MED13: variants seen among roughly 807,000 people sequenced by gnomAD.
MED13 encodes the protein mediator of RNA polymerase II transcription subunit 13.
MED13 carries 23 observed loss-of-function variants against 225.2 expected under a neutral mutation model. That is an observed-to-expected ratio of 0.10 (90% CI 0.07 to 0.14). MED13 has a LOEUF of 0.14. Among genes scored for constraint, MED13 ranks in the 10% least tolerant of loss-of-function variants. The pLI, the probability that MED13 is intolerant of heterozygous loss-of-function variation, is 1.00. For missense variants in MED13, 2,197 were observed against 2,594.5 expected, an observed-to-expected ratio of 0.85 and a Z score of 3.33; for synonymous variants, 942 against 889.2, an observed-to-expected ratio of 1.06 and a Z score of -1.06.
chr17:62,002,661 G>A (rs2080406844), intron 9 of MED13, among the ~76,000 whole-genome samples: 1 of 151,900 alleles, frequency 6.6e-6, no homozygotes, highest in South Asian at 2.1e-4. Context: ...ATTAACAGCA[G>A]GTAATAAATT....
At chr17:62,061,520 T>G (rs1196239894) in intron 2 of MED13, among the ~76,000 whole-genome samples, 1 of 152,250 alleles carries the variant, frequency 6.6e-6, no homozygotes, top group Non-Finnish European at 1.5e-5. Flanking sequence ...GTCACCATTA[T>G]AGTTTTATCA....
At position 61,950,973 on chromosome 17, in the gene MED13, GAT is replaced by G; in HGVS notation, c.6141_6142del (p.Ser2048AsnfsTer5). 6.2e-7 allele frequency: 1 copy of G among 1,613,502 alleles called. No homozygotes were observed. The highest frequency in any genetic ancestry group is 1.7e-5 in the Admixed American group (1 of 59,998). On this transcript the variant is annotated frameshift_variant, in exon 28 of 30. Coordinates refer to ENST00000397786, the MANE Select transcript of MED13 (RefSeq NM_005121.3). LOFTEE classifies it high-confidence loss of function. ...AGGTACTTCCTCATGAGGTTCTGTT[GAT>G]AGTAGCCGATCAGTACTCTGACCCT... is the stretch of plus-strand genomic sequence containing the variant.
At chr17:61,972,223 AT>A in intron 17 of MED13, among the ~76,000 whole-genome samples, 1 of 152,282 alleles carries the variant, frequency 6.6e-6, no homozygotes, top group East Asian at 1.9e-4. Context: ...TTGGAATGGC[AT>A]TTTCATCACA....
At chr17:62,008,808 A>T (rs1336604989) in intron 9 of MED13, among the ~76,000 whole-genome samples, 1 of 152,112 alleles carries the variant, frequency 6.6e-6, no homozygotes, top group African/African-American at 2.4e-5. Flanking sequence ...GAAATCCTAG[A>T]GAGCTGAAAA....
At chr17:62,008,317 CA>C (rs766909961) in intron 9 of MED13, among the ~76,000 whole-genome samples, 159 of 33,210 alleles carry the variant, frequency 4.8e-3, no homozygotes, top group Middle Eastern at 0.02. Context: ...GGCTCTGTCT[CA>C]AAAAAAAAAA....
rs895617677 is a variant in MED13 at position 61,962,809 on chromosome 17, G to A, written c.5007C>T (p.Cys1669=). The change falls in exon 21 of 30, where the codon TGC becomes TGT. Residue 1669 remains cysteine (C), a synonymous_variant. Transcript: ENST00000397786. ...SSVWTLGLLR[C]FLEMVQTLPP... ...GAAGAGTCTGGACCATTTCTAGAAAGCATCGAAGTAGCCCCAATGTCCACA... is the reference window on the plus strand; with the variant it reads ...GAAGAGTCTGGACCATTTCTAGAAAACATCGAAGTAGCCCCAATGTCCACA... 1.9e-6 allele frequency: 3 copies of A among 1,614,150 alleles called. No individual in the cohort carries two copies. Among genetic ancestry groups the A allele is most frequent in the Non-Finnish European group, 2.5e-6 (3 of 1,180,026 alleles).
chr17:61,972,562 T>TGAATGTTGGAAATGGTGG (rs2080119403), intron 17 of MED13, among the ~76,000 whole-genome samples, 165 bp downstream of exon 17: 1 of 152,032 alleles, frequency 6.6e-6, no homozygotes, highest in South Asian at 2.1e-4. Context: ...TTGAGTAAGC[T>TGAATGTTGGAAATGGTGG]GAATGTTGGA....
intron 8 of MED13, among the ~76,000 whole-genome samples, chr17:62,019,968 T>C (rs1178837379): frequency 6.6e-6 from 1 of 151,990 alleles, no homozygotes; most frequent in African/African-American, 2.4e-5. Context: ...ATGGTCTCGA[T>C]CTCCTGACCC....
At chr17:62,009,977 T>C (rs1173992016) in intron 9 of MED13, among the ~76,000 whole-genome samples, 1 of 152,014 alleles carries the variant, frequency 6.6e-6, no homozygotes, top group Non-Finnish European at 1.5e-5. Flanking sequence ...ATCCCAACAC[T>C]TCAGGAGGCC....
chr17:62,059,684 C>G (rs985301180), intron 2 of MED13, among the ~76,000 whole-genome samples: 1 of 152,102 alleles, frequency 6.6e-6, no homozygotes, highest in Admixed American at 6.6e-5. Flanking sequence ...AAGGGGTTAG[C>G]TAGAGAGACA....
At chr17:62,004,372 G>A (rs921336306) in intron 9 of MED13, 1 of 152,190 alleles carries the variant, frequency 6.6e-6, no homozygotes, top group South Asian at 2.1e-4. Context: ...GCAGCATACA[G>A]GATAGGCAGT....
intron 24 of MED13, 102 bp downstream of exon 24, chr17:61,956,236 TA>T: frequency 8.7e-7 from 1 of 1,147,488 alleles, no homozygotes; most frequent in East Asian, 2.6e-5. Context: ...CCTTATTTGA[TA>T]ACCTTTGCAT....
intron 3 of MED13, 82 bp from the exon 4 acceptor site, chr17:62,035,690 CAAAA>C: frequency 2.2e-6 from 3 of 1,375,614 alleles, no homozygotes; most frequent in Non-Finnish European, 1.9e-6. Context: ...AGGAAGTATG[CAAAA>C]ATGCATACCC....
At chr17:61,998,928 T>C (rs1260283362) in intron 9 of MED13, among the ~76,000 whole-genome samples, 5 of 37,588 alleles carry the variant, frequency 1.3e-4, no homozygotes, top group Admixed American at 2.3e-4. Flanking sequence ...AATGGTACTT[T>C]TTTTTTTTTT....
intron 27 of MED13, among the ~76,000 whole-genome samples, chr17:61,951,390 T>C (rs1303355645): frequency 6.6e-6 from 1 of 152,194 alleles, no homozygotes; most frequent in Non-Finnish European, 1.5e-5. Flanking sequence ...GCTTTGTTAA[T>C]CTAGCACTAT....
At chr17:62,064,743 G>T (rs565964974) in intron 1 of MED13, among the ~76,000 whole-genome samples, 123 of 152,256 alleles carry the variant, frequency 8.1e-4, no homozygotes, top group African/African-American at 2.9e-3. Context: ...AATTAAAAGG[G>T]TAAGACATAA....
intron 21 of MED13, 134 bp from the exon 22 acceptor site, chr17:61,961,913 G>C: frequency 2.3e-6 from 2 of 851,336 alleles, no homozygotes; most frequent in East Asian, 2.6e-5. Context: ...TTTAACGATT[G>C]TTTTCTTATC....
At chr17:61,953,566 C>A (rs987446469) in intron 26 of MED13, among the ~76,000 whole-genome samples, 2 of 152,192 alleles carry the variant, frequency 1.3e-5, no homozygotes, top group African/African-American at 4.8e-5. Context: ...CCAAGGAATG[C>A]AAGTAGCCTG....
chr17:61,985,072 C>T lies in MED13; in HGVS notation c.2404G>A (p.Ala802Thr). 4 of 1,613,424 alleles carry T rather than the reference C, an allele frequency of 2.5e-6. No homozygotes were observed. The highest frequency in any genetic ancestry group is 3.4e-6 in the Non-Finnish European group (4 of 1,179,824). Residue 802 changes from alanine to threonine, a missense_variant, in exon 13 of 30, where the codon GCA (alanine) becomes ACA (threonine). Physicochemically the swap from Ala to Thr is moderately conservative, Grantham distance 58. Coordinates refer to ENST00000397786, the MANE Select transcript of MED13 (RefSeq NM_005121.3). Reference protein sequence around the residue: ...DELTPGSKKSANGSDDKASCK... With the variant: ...DELTPGSKKSTNGSDDKASCK... ...CTGGCTTTATCATCTGATCCATTTG[C>T]TGATTTTTTAGATCCAGGCTATTTA...
Sources: gnomAD v4.1 joint callset for allele counts (sites outside exome capture counted in the v4.1 genomes callset) on GRCh38, gnomAD v4.1.1 for gene constraint, MANE v1.5 for transcripts, NCBI Gene and HGNC (gene_info 2026-07-23, HGNC 2026-07-21) for gene names.